Variants in FAM78A observed in about 807,000 individuals in gnomAD.
FAM78A encodes protein FAM78A.
Under a neutral mutation model 22.6 loss-of-function variants are expected in FAM78A, and 12 were observed. The observed-to-expected ratio is 0.53, with a 90% CI of 0.34 to 0.86. The LOEUF is 0.86. Among genes scored for constraint, FAM78A ranks in the 40% least tolerant of loss-of-function variants. The pLI, the probability that FAM78A is intolerant of heterozygous loss-of-function variation, is 0.02. For synonymous variants in FAM78A, 151 were observed against 155.8 expected (o/e 0.97, Z 0.23); for missense variants, 322 against 396.1 (o/e 0.81, Z 1.59).
In FAM78A at chr9:131,272,490, C is replaced by T. The variant is rs1835432952; in HGVS notation, c.323+3367G>A. Among the ~76,000 whole-genome samples, 1 of 152,240 alleles carries T rather than the reference C, an allele frequency of 6.6e-6. No individual in the cohort carries two copies. Among genetic ancestry groups the T allele is most frequent in the Non-Finnish European group, 1.5e-5 (1 of 68,046 alleles). On this transcript the variant is annotated intron_variant, in intron 1 of 1. Transcript: ENST00000372271. The surrounding 1 kb of genome is among the most constrained non-coding windows in gnomAD (Gnocchi z 4.1). The stretch of plus-strand genomic sequence containing the variant: ...ACCAGCACAGACAGAATTACCTGAC[C>T]CTGGGCCAGGCAGAGCAGAGGAACA...
At chr9:131,268,367 C>T (rs1002596484) in intron 1 of FAM78A, among the ~76,000 whole-genome samples, 10 of 151,982 alleles carry the variant, frequency 6.6e-5, no homozygotes, top group African/African-American at 2.2e-4. Context: ...ACCGGGTCAC[C>T]AGGCCCTGCT....
chr9:131,276,280 T>C lies in FAM78A; in HGVS notation c.-101A>G, dbSNP rs185825933. The C allele has an allele frequency of 7.4e-6, 7 of 941,890 alleles. No homozygotes were observed. In the East Asian group the frequency reaches 1.0e-4, roughly 14 times the overall value. 58.3% of individuals were successfully genotyped at this position (941,890 alleles called of 1,614,324 possible). ...AGGATAGAAAACTCACTGAGTAGAC[T>C]GGGGTTGCATATATCACTACCGCGG... is the stretch of plus-strand genomic sequence containing the variant. On this transcript the variant is annotated 5_prime_UTR_variant, in exon 1 of 2. Coordinates refer to ENST00000372271, the MANE Select transcript of FAM78A (RefSeq NM_033387.4). The surrounding 1 kb of genome is among the most constrained non-coding windows in gnomAD (Gnocchi z 4.3).
chr9:131,264,721 C>A, intron 1 of FAM78A: 1 of 634,518 alleles, frequency 1.6e-6, no homozygotes, highest in Non-Finnish European at 2.8e-6. Context: ...GAAGCCTTTT[C>A]TGACCTTTTT....
chr9:131,270,046 A>T (rs974105369), intron 1 of FAM78A, among the ~76,000 whole-genome samples: 7 of 149,474 alleles, frequency 4.7e-5, no homozygotes, highest in South Asian at 2.1e-4. Context: ...ATAAAAAAAA[A>T]AAAAAAAAAA....
upstream of FAM78A, among the ~76,000 whole-genome samples, chr9:131,279,377 C>T (rs902172089): frequency 1.3e-5 from 2 of 152,272 alleles, no homozygotes; most frequent in Admixed American, 6.5e-5. Flanking sequence ...ACAGGGCCTT[C>T]TGCACCTCTT....
rs1304421512 is a variant in FAM78A, at chr9:131,275,029, A to G, written c.323+828T>C. On this transcript the variant is annotated intron_variant, in intron 1 of 1. Coordinates refer to ENST00000372271, the MANE Select transcript of FAM78A (RefSeq NM_033387.4). The surrounding 1 kb of genome is among the most constrained non-coding windows in gnomAD (Gnocchi z 4.6). ...TTAAGTCACTCTCCCAACTCTGCCTAAATGCAGCTCTTTTCACCCTGGGGA... is the reference window on the plus strand; with the variant it reads ...TTAAGTCACTCTCCCAACTCTGCCTGAATGCAGCTCTTTTCACCCTGGGGA... Among the ~76,000 whole-genome samples the G allele has an allele frequency of 6.6e-6, 1 of 152,186 alleles. No homozygotes were observed. Among genetic ancestry groups the G allele is most frequent in the Non-Finnish European group, 1.5e-5 (1 of 68,022 alleles).
At position 131,270,037 on chromosome 9, in the gene FAM78A, T is replaced by TAA. The variant is rs1008374603; in HGVS notation, c.323+5818_323+5819dup. Among the ~76,000 whole-genome samples, 429 of 85,626 alleles carry TAA rather than the reference T, an allele frequency of 5.0e-3. 9 individuals are homozygous for TAA. The highest frequency in any genetic ancestry group is 0.02 in the East Asian group (52 of 2,554). 56.2% of individuals were successfully genotyped at this position (85,626 alleles called of 152,430 possible). ...TGGTGAAACCCCATCCCTACTAAAATAAAAAAAAAAAAAAAAAAAAAAGCC... is the reference window on the plus strand; with the variant it reads ...TGGTGAAACCCCATCCCTACTAAAATAAAAAAAAAAAAAAAAAAAAAAAAGCC... On this transcript the variant is annotated intron_variant, in intron 1 of 1. Coordinates refer to ENST00000372271, the MANE Select transcript of FAM78A (RefSeq NM_033387.4).
Position 131,261,150 on chromosome 9 carries a change from C to T in FAM78A, c.524G>A (p.Ser175Asn). 6.2e-7 allele frequency: 1 copy of T among 1,614,100 alleles called. No homozygotes were observed. Among genetic ancestry groups the T allele is most frequent in the Non-Finnish European group, 8.5e-7 (1 of 1,179,992 alleles). The change falls in exon 2 of 2, where the codon AGC becomes AAC. Residue 175 changes from serine (S) to asparagine (N), a missense_variant. Ser to Asn is a conservative substitution (Grantham distance 46). Transcript: ENST00000372271. This position sits in a 1 kb window ranked among gnomAD's most constrained non-coding sequence, Gnocchi z 7.1. The part of the protein sequence containing the change: ...SVTWAVPVSE[S>N]NVAKLTNIYR... ...GATATTGGTGAGCTTGGCCACGTTG[C>T]TCTCGCTGACGGGCACGGCCCATGT...
Position 131,261,268 on chromosome 9 carries a change from C to T in FAM78A, c.406G>A (p.Gly136Ser), listed in dbSNP as rs375325666. ...DSDGVNYPWY[G>S]NTTETCTIVG... ...ATGGTGCAGGTCTCTGTGGTGTTGC[C>T]GTACCAGGGGTAGTTCACCCCATCC... is the stretch of plus-strand genomic sequence containing the variant. The change falls in exon 2 of 2, where the codon GGC becomes AGC. Residue 136 changes from glycine to serine, a missense_variant. Transcript: ENST00000372271. The surrounding 1 kb of genome is among the most constrained non-coding windows in gnomAD (Gnocchi z 7.1). 8.1e-5 allele frequency: 130 copies of T among 1,609,992 alleles called. No individual in the cohort carries two copies. Among genetic ancestry groups the T allele is most frequent in the Middle Eastern group, 1.6e-4 (1 of 6,080 alleles).
At chr9:131,262,943 A>G (rs1028049789) in intron 1 of FAM78A, among the ~76,000 whole-genome samples, 1 of 151,164 alleles carries the variant, frequency 6.6e-6, no homozygotes, top group African/African-American at 2.5e-5. Flanking sequence ...AGTTTTGCAG[A>G]TGAAAAGAGT....
intron 1 of FAM78A, among the ~76,000 whole-genome samples, chr9:131,267,411 A>G (rs2131173605): frequency 6.6e-6 from 1 of 152,042 alleles, no homozygotes; most frequent in Middle Eastern, 3.4e-3. Flanking sequence ...GCGTCCCTAT[A>G]CTCCCAGCTA....
At position 131,265,062 on chromosome 9, in the gene FAM78A, A is replaced by C. The variant is rs1265283675; in HGVS notation, c.324-3712T>G. 6.6e-6 allele frequency among the ~76,000 whole-genome samples: 1 copy of C among 151,456 alleles called. No homozygotes were observed. The highest frequency in any genetic ancestry group is 2.4e-5 in the African/African-American group (1 of 41,166). On this transcript the variant is annotated intron_variant, in intron 1 of 1. Transcript: ENST00000372271. The surrounding 1 kb of genome is among the most constrained non-coding windows in gnomAD (Gnocchi z 4.3). ...ATGAACTTGTTTCTCTTCTCTATTA[A>C]ATTTCTATTGAGTTTTTTAGTGCTT...
chr9:131,280,010 G>A (rs1396345641), upstream of FAM78A, among the ~76,000 whole-genome samples: 1 of 152,164 alleles, frequency 6.6e-6, no homozygotes, highest in Non-Finnish European at 1.5e-5. Context: ...GAGGTGTGTG[G>A]GCGCCCACAT....
Position 131,260,622 on chromosome 9 carries a change from T to G in FAM78A, c.*200A>C. 1.8e-6 allele frequency: 1 copy of G among 540,662 alleles called. No individual in the cohort carries two copies. The highest frequency in any genetic ancestry group is 3.1e-6 in the Non-Finnish European group (1 of 322,000). 33.5% of individuals were successfully genotyped at this position (540,662 alleles called of 1,614,324 possible). ...GGGCGCACGTGGGGTCTGTCTGTCCTGCTTAGATCTCCCCTCTCCCTGAAA... is the reference window on the plus strand; with the variant it reads ...GGGCGCACGTGGGGTCTGTCTGTCCGGCTTAGATCTCCCCTCTCCCTGAAA... On this transcript the variant is annotated 3_prime_UTR_variant, in exon 2 of 2. Coordinates refer to ENST00000372271, the MANE Select transcript of FAM78A (RefSeq NM_033387.4). This position sits in a 1 kb window ranked among gnomAD's most constrained non-coding sequence, Gnocchi z 5.4.
chr9:131,264,639 G>A (rs776258470), intron 1 of FAM78A: 1 of 717,072 alleles, frequency 1.4e-6, no homozygotes, highest in South Asian at 1.5e-5. Flanking sequence ...TTTGAGGGTG[G>A]CATCAGCAGT....
intron 1 of FAM78A, among the ~76,000 whole-genome samples, chr9:131,273,225 GT>G (rs1050505903): frequency 6.6e-6 from 1 of 152,206 alleles, no homozygotes; most frequent in African/African-American, 2.4e-5. Context: ...CCTACGGGAA[GT>G]TCTCCCCCTC....
In FAM78A at chr9:131,275,079, A is replaced by C. The variant is rs759857900; in HGVS notation, c.323+778T>G. ...ACGGCCTTCTCTGGGGTCAGGAAGC[A>C]GGCCAGGAAAGGAGCCCCAGGGTCC... On this transcript the variant is annotated intron_variant, in intron 1 of 1. Coordinates refer to ENST00000372271, the MANE Select transcript of FAM78A (RefSeq NM_033387.4). This position sits in a 1 kb window ranked among gnomAD's most constrained non-coding sequence, Gnocchi z 4.6. Among the ~76,000 whole-genome samples the C allele has an allele frequency of 2.0e-5, 3 of 152,194 alleles. No individual in the cohort carries two copies. The highest frequency in any genetic ancestry group is 4.4e-5 in the Non-Finnish European group (3 of 68,020).
Position 131,275,951 on chromosome 9 carries a change from T to C in FAM78A, c.229A>G (p.Met77Val). The change falls in exon 1 of 2, where the codon ATG (methionine) becomes GTG (valine). Residue 77 changes from methionine (M) to valine (V), a missense_variant. Transcript: ENST00000372271. The surrounding 1 kb of genome is among the most constrained non-coding windows in gnomAD (Gnocchi z 4.6). The stretch of plus-strand genomic sequence containing the variant: ...GTCTCCTTCTTGGGGATGGGCGGCA[T>C]GACCACCTGGGCCGAGGCCCGGAAG... ...PHFRASAQVVMPPIPKKETWV... is the reference protein window; with the variant it reads ...PHFRASAQVVVPPIPKKETWV... 6.2e-7 allele frequency: 1 copy of C among 1,613,488 alleles called. No homozygotes were observed. The highest frequency in any genetic ancestry group is 8.5e-7 in the Non-Finnish European group (1 of 1,179,998).
chr9:131,262,888 G>A (rs1376009560), intron 1 of FAM78A, among the ~76,000 whole-genome samples: 1 of 152,000 alleles, frequency 6.6e-6, no homozygotes, highest in Non-Finnish European at 1.5e-5. Context: ...CAGGGGCTGG[G>A]AGAAAGAGGA....
Sources: allele counts gnomAD v4.1 joint callset (sites outside exome capture counted in the v4.1 genomes callset), GRCh38; gene constraint gnomAD v4.1.1; non-coding constraint Gnocchi (gnomAD v3.1); transcripts MANE v1.5; gene names NCBI Gene and HGNC (gene_info 2026-07-23, HGNC 2026-07-21).